Variants in YIPF4 observed in about 807,000 individuals in gnomAD.
YIPF4 encodes protein YIPF4.
Under a neutral mutation model 29.4 loss-of-function variants are expected in YIPF4, and 18 were observed. That is an observed-to-expected ratio of 0.61 (90% CI 0.42 to 0.91). The LOEUF (loss-of-function observed/expected upper bound fraction) is 0.91, where lower values mean the gene tolerates loss of function less well. Ranked by LOEUF, YIPF4 falls within the 40% of genes least tolerant of loss-of-function variation. The pLI is 0.00. For synonymous variants in YIPF4, 115 were observed against 104.7 expected, an observed-to-expected ratio of 1.10 and a Z score of -0.60; for missense variants, 279 against 282.7, an observed-to-expected ratio of 0.99 and a Z score of 0.09.
At position 32,301,512 on chromosome 2, in the gene YIPF4, G is replaced by A. The variant is rs1337272024; in HGVS notation, c.597+17G>A. Reference sequence around the variant, plus strand: ...CTTATAAAAGTAAGTTAAGGATTATGTATTACATAGTTTACTGTTTTCCAA... The same window carrying A: ...CTTATAAAAGTAAGTTAAGGATTATATATTACATAGTTTACTGTTTTCCAA... On this transcript the variant is annotated intron_variant, in intron 5 of 5. Coordinates refer to ENST00000238831, the MANE Select transcript of YIPF4 (RefSeq NM_032312.4). 4.6e-6 allele frequency: 7 copies of A among 1,520,550 alleles called. No homozygotes were observed. The highest frequency in any genetic ancestry group is 2.3e-5 in the South Asian group (2 of 87,400). 94.2% of individuals were successfully genotyped at this position (1,520,550 alleles called of 1,614,324 possible). A position where few individuals can be genotyped will look rare whatever the true frequency, so the allele number is the denominator to read the frequency against.
chr2:32,295,146 G>A (rs1460502392), intron 3 of YIPF4, among the ~76,000 whole-genome samples: 1 of 152,140 alleles, frequency 6.6e-6, no homozygotes, highest in Non-Finnish European at 1.5e-5. Flanking sequence ...ATGATGAGAA[G>A]GATTCCATCA....
rs2031282892 is a variant in YIPF4, at chr2:32,298,648, C to T, written c.483+337C>T. ...CAATCTCGGCTCATTGCAGCCTCCGCCTCCCAGGTTCCCGATTGTCCTGCC... is the reference window on the plus strand; with the variant it reads ...CAATCTCGGCTCATTGCAGCCTCCGTCTCCCAGGTTCCCGATTGTCCTGCC... On this transcript the variant is annotated intron_variant, in intron 4 of 5. Transcript: ENST00000238831. Among the ~76,000 whole-genome samples the T allele has an allele frequency of 2.0e-5, 3 of 152,078 alleles. No individual in the cohort carries two copies. In the South Asian group the frequency reaches 6.2e-4, roughly 32 times the overall value.
rs891097256 is a variant in YIPF4 at position 32,310,241 on chromosome 2, A to C, written c.*4615A>C. Reference sequence around the variant, plus strand: ...CCAGGCATGGTGGCTCATGCCTGTAATCCCAGAACTTTGGGAGGCCATGGC... The same window carrying C: ...CCAGGCATGGTGGCTCATGCCTGTACTCCCAGAACTTTGGGAGGCCATGGC... On this transcript the variant is annotated 3_prime_UTR_variant, in exon 6 of 6. Transcript: ENST00000238831. 1 of 152,114 alleles carries C rather than the reference A, an allele frequency of 6.6e-6. No homozygotes were observed. The highest frequency in any genetic ancestry group is 1.5e-5 in the Non-Finnish European group (1 of 68,014). The allele number at this position is 152,114 out of a possible 1,614,324, so 9.4% of individuals were successfully genotyped here.
rs1393169715 is a variant in YIPF4 at position 32,305,817 on chromosome 2, T to G, written c.*191T>G. 2 of 1,214,534 alleles carry G rather than the reference T, an allele frequency of 1.6e-6. No homozygotes were observed. Among genetic ancestry groups the G allele is most frequent in the African/African-American group, 1.6e-5 (1 of 63,874 alleles). The allele number at this position is 1,214,534 out of a possible 1,614,324, so 75.2% of individuals were successfully genotyped here. A position where few individuals can be genotyped will look rare whatever the true frequency, so the allele number is the denominator to read the frequency against. On this transcript the variant is annotated 3_prime_UTR_variant, in exon 6 of 6. Coordinates refer to ENST00000238831, the MANE Select transcript of YIPF4 (RefSeq NM_032312.4). ...AGCAATTGCAGTTATCTGGGATTTTTGGGTCAGAATTTTAAATTCTGTTTG... is the reference window on the plus strand; with the variant it reads ...AGCAATTGCAGTTATCTGGGATTTTGGGGTCAGAATTTTAAATTCTGTTTG...
At chr2:32,283,721 C>CTT (rs59948957) in intron 1 of YIPF4, among the ~76,000 whole-genome samples, 143 of 145,346 alleles carry the variant, frequency 9.8e-4, no homozygotes, top group Middle Eastern at 3.5e-3. Context: ...TATCTCATGT[C>CTT]TTTTTTTTTT....
chr2:32,294,091 C>T (rs1016185946), intron 3 of YIPF4, among the ~76,000 whole-genome samples: 16 of 150,846 alleles, frequency 1.1e-4, no homozygotes, highest in South Asian at 2.1e-4. Context: ...CCTCACCTCC[C>T]GGACAGGGTG....
In YIPF4 at chr2:32,284,014, A is replaced by G. The variant is rs116327796; in HGVS notation, c.79+5780A>G. ...GGATTGATTACAGGCATGAGTCACCACGCCAGGCCTAATATCACTTCTTAA... is the reference window on the plus strand; with the variant it reads ...GGATTGATTACAGGCATGAGTCACCGCGCCAGGCCTAATATCACTTCTTAA... On this transcript the variant is annotated intron_variant, in intron 1 of 5. Transcript: ENST00000238831. Among the ~76,000 whole-genome samples the G allele has an allele frequency of 4.3e-3, 656 of 152,176 alleles. 3 individuals carry two copies. The highest frequency in any genetic ancestry group is 0.015 in the African/African-American group (624 of 41,522).
chr2:32,287,373 A>G (rs1295864560), intron 1 of YIPF4, among the ~76,000 whole-genome samples: 1 of 152,200 alleles, frequency 6.6e-6, no homozygotes, highest in Non-Finnish European at 1.5e-5. Flanking sequence ...TGAAGCACAC[A>G]TAGACTTCAT....
Position 32,305,665 on chromosome 2 carries a change from T to C in YIPF4, c.*39T>C. On this transcript the variant is annotated 3_prime_UTR_variant, in exon 6 of 6. Coordinates refer to ENST00000238831, the MANE Select transcript of YIPF4 (RefSeq NM_032312.4). The stretch of plus-strand genomic sequence containing the variant: ...TGAATAGAAAAAGATGGTGTTAAAT[T>C]TGTGTGTAGGCTGGGAATTCTTGCT... The C allele has an allele frequency of 6.9e-7, 1 of 1,453,170 alleles. No homozygotes were observed. The highest frequency in any genetic ancestry group is 2.5e-5 in the East Asian group (1 of 39,342). 90.0% of individuals were successfully genotyped at this position (1,453,170 alleles called of 1,614,324 possible). A position where few individuals can be genotyped will look rare whatever the true frequency, so the allele number is the denominator to read the frequency against.
rs2031620286 is a variant in YIPF4 at position 32,307,583 on chromosome 2, A to C, written c.*1957A>C. 1 of 153,126 alleles carries C rather than the reference A, an allele frequency of 6.5e-6. No individual in the cohort carries two copies. Among genetic ancestry groups the C allele is most frequent in the Non-Finnish European group, 1.5e-5 (1 of 68,786 alleles). The allele number at this position is 153,126 out of a possible 1,614,324, so 9.5% of individuals were successfully genotyped here. The stretch of plus-strand genomic sequence containing the variant: ...CAATGTTTCGAACTCAACCAGTATC[A>C]TTTTCGTGTGCTAATGAGCAAAGTA... On this transcript the variant is annotated 3_prime_UTR_variant, in exon 6 of 6. Coordinates refer to ENST00000238831, the MANE Select transcript of YIPF4 (RefSeq NM_032312.4).
At chr2:32,279,394 C>CTTTTTT (rs35036420) in intron 1 of YIPF4, among the ~76,000 whole-genome samples, 12 of 98,756 alleles carry the variant, frequency 1.2e-4, no homozygotes, top group Non-Finnish European at 1.5e-4. Context: ...CTAGATTTTC[C>CTTTTTT]TTTTTTTTTT....
intron 1 of YIPF4, among the ~76,000 whole-genome samples, chr2:32,280,315 A>G (rs2030341149): frequency 1.3e-5 from 2 of 150,236 alleles, no homozygotes; most frequent in Non-Finnish European, 3.0e-5. Flanking sequence ...TTTTTTTAGT[A>G]GAGACGGGGT....
rs560974518 is a variant in YIPF4, at chr2:32,309,430, T to C, written c.*3804T>C. On this transcript the variant is annotated 3_prime_UTR_variant, in exon 6 of 6. Coordinates refer to ENST00000238831, the MANE Select transcript of YIPF4 (RefSeq NM_032312.4). The stretch of plus-strand genomic sequence containing the variant: ...CATTTTGGAAAGGGTATACTCAATC[T>C]GTATTAACATAGACTTCTAAATTAG... The C allele has an allele frequency of 1.1e-4, 16 of 152,364 alleles. No individual in the cohort carries two copies. The highest frequency in any genetic ancestry group is 3.6e-4 in the African/African-American group (15 of 41,592). The allele number at this position is 152,364 out of a possible 1,614,324, so 9.4% of individuals were successfully genotyped here. A position where few individuals can be genotyped will look rare whatever the true frequency, so the allele number is the denominator to read the frequency against.
rs2031563511 is a variant in YIPF4 at position 32,305,838 on chromosome 2, G to A, written c.*212G>A. The A allele has an allele frequency of 8.4e-7, 1 of 1,191,838 alleles. No homozygotes were observed. The highest frequency in any genetic ancestry group is 1.0e-6 in the Non-Finnish European group (1 of 963,864). 73.8% of individuals were successfully genotyped at this position (1,191,838 alleles called of 1,614,324 possible). On this transcript the variant is annotated 3_prime_UTR_variant, in exon 6 of 6. Coordinates refer to ENST00000238831, the MANE Select transcript of YIPF4 (RefSeq NM_032312.4). ...TTTTTGGGTCAGAATTTTAAATTCT[G>A]TTTGATTCTCCATATTCCAGTGAAT... is the stretch of plus-strand genomic sequence containing the variant.
chr2:32,286,406 T>C (rs894777350), intron 1 of YIPF4, among the ~76,000 whole-genome samples: 1 of 152,218 alleles, frequency 6.6e-6, no homozygotes, highest in Non-Finnish European at 1.5e-5. Context: ...TCTTTTTGTT[T>C]ATCAGATAAA....
Position 32,278,053 on chromosome 2 carries a change from G to A in YIPF4, c.-103G>A. 2.9e-6 allele frequency: 3 copies of A among 1,019,518 alleles called. No homozygotes were observed. Among genetic ancestry groups the A allele is most frequent in the Non-Finnish European group, 2.8e-6 (2 of 709,994 alleles). 63.2% of individuals were successfully genotyped at this position (1,019,518 alleles called of 1,614,324 possible). A position where few individuals can be genotyped will look rare whatever the true frequency, so the allele number is the denominator to read the frequency against. ...CGCAGCTTGCACGTCGAGACTCGTAGGCCGCACCGTAGGGCGAGCGTGCGG... is the reference window on the plus strand; with the variant it reads ...CGCAGCTTGCACGTCGAGACTCGTAAGCCGCACCGTAGGGCGAGCGTGCGG... On this transcript the variant is annotated 5_prime_UTR_variant, in exon 1 of 6. Transcript: ENST00000238831.
chr2:32,282,234 C>T (rs1398233401), intron 1 of YIPF4, among the ~76,000 whole-genome samples: 2 of 152,114 alleles, frequency 1.3e-5, no homozygotes, highest in Non-Finnish European at 2.9e-5. Flanking sequence ...AGTCTGAGGC[C>T]ACCCAGGGGA....
At chr2:32,280,742 C>T (rs1371576131) in intron 1 of YIPF4, among the ~76,000 whole-genome samples, 1 of 152,072 alleles carries the variant, frequency 6.6e-6, no homozygotes. Context: ...GATTCTTGGC[C>T]TCCCAAATTG....
chr2:32,278,068 C>T lies in YIPF4; in HGVS notation c.-88C>T, dbSNP rs2030177116. ...GAGACTCGTAGGCCGCACCGTAGGG[C>T]GAGCGTGCGGGTCGCCGCCGCGGCC... On this transcript the variant is annotated 5_prime_UTR_variant, in exon 1 of 6. Coordinates refer to ENST00000238831, the MANE Select transcript of YIPF4 (RefSeq NM_032312.4). 4 of 1,182,982 alleles carry T rather than the reference C, an allele frequency of 3.4e-6. No individual in the cohort carries two copies. Among genetic ancestry groups the T allele is most frequent in the South Asian group, 3.0e-5 (2 of 66,778 alleles). The allele number at this position is 1,182,982 out of a possible 1,614,324, so 73.3% of individuals were successfully genotyped here.
Sources: allele counts gnomAD v4.1 joint callset (sites outside exome capture counted in the v4.1 genomes callset), GRCh38; gene constraint gnomAD v4.1.1; transcripts MANE v1.5; gene names NCBI Gene and HGNC (gene_info 2026-07-23, HGNC 2026-07-21).